EGF: variants seen among roughly 807,000 people sequenced by gnomAD.
EGF encodes epidermal growth factor.
A neutral mutation model predicts 143.8 loss-of-function variants in EGF; 95 were observed. The observed-to-expected ratio is 0.66, with a 90% confidence interval of 0.56 to 0.78. The LOEUF (loss-of-function observed/expected upper bound fraction) is 0.78. EGF is among the 30% of genes least tolerant of loss of function. The probability of loss-of-function intolerance (pLI) is 0.00; values close to 1 mark genes in which losing one functional copy is unlikely to be tolerated. For missense variants in EGF, 1,320 were observed against 1,470.9 expected (o/e 0.90, Z 1.68); for synonymous variants, 510 against 510.5 (o/e 1.00, Z 0.01).
intron 22 of EGF, among the ~76,000 whole-genome samples, chr4:110,007,881 C>T (rs955728631): frequency 2.0e-5 from 3 of 152,132 alleles, no homozygotes; most frequent in Admixed American, 6.5e-5. Flanking sequence ...TCCAGGGATC[C>T]GTGACCTAAA....
chr4:109,988,627 C>G lies in EGF; in HGVS notation c.2652C>G (p.Ala884=), dbSNP rs749892141. The change falls in exon 18 of 24, where the codon GCC becomes GCG. Residue 884 remains alanine, a synonymous_variant. Transcript: ENST00000265171. ...CEMGVPVCPP[A]SSKCINTEGG... Reference sequence around the variant, plus strand: ...TGGGTGTCCCAGTGTGCCCCCCTGCCTCCTCCAAGTGCATCAACACCGAAG... The same window carrying G: ...TGGGTGTCCCAGTGTGCCCCCCTGCGTCCTCCAAGTGCATCAACACCGAAG... The G allele has an allele frequency of 6.2e-7, 1 of 1,614,092 alleles. No individual in the cohort carries two copies. Among genetic ancestry groups the G allele is most frequent in the South Asian group, 1.1e-5 (1 of 91,086 alleles).
chr4:109,925,022 AT>A (rs1579459836), intron 1 of EGF, among the ~76,000 whole-genome samples: 1 of 152,156 alleles, frequency 6.6e-6, no homozygotes, highest in East Asian at 1.9e-4. Flanking sequence ...ATTTTTTATA[AT>A]TTTTACAGTT....
intron 1 of EGF, among the ~76,000 whole-genome samples, chr4:109,929,829 G>A (rs1739366493): frequency 6.6e-6 from 1 of 152,130 alleles, no homozygotes; most frequent in Non-Finnish European, 1.5e-5. Flanking sequence ...TGACATAGAT[G>A]AATAAACTGA....
At chr4:109,961,838 C>A (rs988500284) in intron 7 of EGF, 25 bp from the exon 8 acceptor site, 2 of 1,612,910 alleles carry the variant, frequency 1.2e-6, no homozygotes, top group South Asian at 2.2e-5. Context: ...TAACACTAAT[C>A]TTGACCTTGT....
rs1012625280 is a variant in EGF at position 109,923,080 on chromosome 4, CAT to C, written c.127+9619_127+9620del. Among the ~76,000 whole-genome samples, 56 of 151,652 alleles carry C rather than the reference CAT, an allele frequency of 3.7e-4. 3 individuals carry two copies. The highest frequency in any genetic ancestry group is 1.1e-3 in the African/African-American group (47 of 40,986). On this transcript the variant is annotated intron_variant, in intron 1 of 23. Transcript: ENST00000265171. ...AAAATTATCCTTTTTATTATCCTAA[CAT>C]GTGACAAAACTCCCCATTAATTATT...
At chr4:109,976,754 A>G (rs1352527198) in intron 13 of EGF, among the ~76,000 whole-genome samples, 2 of 152,216 alleles carry the variant, frequency 1.3e-5, no homozygotes, top group African/African-American at 4.8e-5. Context: ...GCAGTGGGAA[A>G]TTTATTTTGA....
chr4:109,915,849 G>A (rs556164925), intron 1 of EGF, among the ~76,000 whole-genome samples: 20 of 152,202 alleles, frequency 1.3e-4, no homozygotes, highest in Admixed American at 2.0e-4. Context: ...ACTGCTAGCC[G>A]GATAAACCAA....
intron 14 of EGF, 103 bp from the exon 15 acceptor site, chr4:109,980,723 T>G (rs1320606790): frequency 1.5e-6 from 2 of 1,297,246 alleles, no homozygotes; most frequent in African/African-American, 2.9e-5. Context: ...TGCATTTCTC[T>G]CCCTAAAAGC....
chr4:109,968,673 C>CATCTATCTATCTCTCTATCT (rs1747005428), intron 10 of EGF: 1 of 343,768 alleles, frequency 2.9e-6, no homozygotes, highest in Non-Finnish European at 5.5e-6. Context: ...TATCTATATA[C>CATCTATCTATCTCTCTATCT]ATCTATCTAT....
At chr4:109,932,679 G>C (rs929067754) in intron 1 of EGF, among the ~76,000 whole-genome samples, 32 of 151,860 alleles carry the variant, frequency 2.1e-4, no homozygotes, top group African/African-American at 7.2e-4. Context: ...ACCGCGCCTG[G>C]CCCAATATTT....
chr4:109,948,711 C>G (rs1249134073), intron 5 of EGF, among the ~76,000 whole-genome samples: 1 of 152,148 alleles, frequency 6.6e-6, no homozygotes, highest in Non-Finnish European at 1.5e-5. Context: ...GTCTCAAACT[C>G]CTGAGCTCAA....
chr4:109,915,070 G>C (rs958652790), intron 1 of EGF, among the ~76,000 whole-genome samples: 1 of 152,222 alleles, frequency 6.6e-6, no homozygotes, highest in Non-Finnish European at 1.5e-5. Flanking sequence ...TGGCAAGCAA[G>C]TCTATGCCTT....
chr4:109,942,147 T>G (rs1183674217), intron 2 of EGF, among the ~76,000 whole-genome samples: 1 of 152,252 alleles, frequency 6.6e-6, no homozygotes, highest in Non-Finnish European at 1.5e-5. Flanking sequence ...TTCAAACTCT[T>G]GAGTCTAAGA....
At chr4:109,968,684 C>CTATCTATT in intron 10 of EGF, 1 of 397,312 alleles carries the variant, frequency 2.5e-6, no homozygotes, top group Admixed American at 3.7e-5. Context: ...ATCTATCTAT[C>CTATCTATT]TATCTATCTA....
At chr4:109,992,002 A>G (rs999093216) in intron 18 of EGF, among the ~76,000 whole-genome samples, 1 of 151,668 alleles carries the variant, frequency 6.6e-6, no homozygotes, top group Non-Finnish European at 1.5e-5. Flanking sequence ...AAAAAAAATT[A>G]AAAACAAACA....
chr4:109,953,787 T>G (rs994990349), intron 5 of EGF, among the ~76,000 whole-genome samples: 1 of 152,204 alleles, frequency 6.6e-6, no homozygotes, highest in Non-Finnish European at 1.5e-5. Context: ...CTGGGATTAG[T>G]AAGAAAGAAC....
chr4:109,976,314 C>A (rs909481444), intron 13 of EGF, 79 bp downstream of exon 13: 2 of 1,197,978 alleles, frequency 1.7e-6, no homozygotes, highest in Non-Finnish European at 2.4e-6. Context: ...TTTACACACA[C>A]ACACATACCA....
At chr4:109,994,054 T>C (rs928693362) in intron 19 of EGF, among the ~76,000 whole-genome samples, 6 of 151,956 alleles carry the variant, frequency 3.9e-5, no homozygotes, top group African/African-American at 1.5e-4. Flanking sequence ...TAGCATATTA[T>C]TTTTCTCAAA....
chr4:110,001,214 G>T (rs550881382), intron 21 of EGF, among the ~76,000 whole-genome samples: 1 of 152,184 alleles, frequency 6.6e-6, no homozygotes, highest in African/African-American at 2.4e-5. Context: ...TATCTCAAGG[G>T]TTATTGTGAG....
Sources: allele counts gnomAD v4.1 joint callset (sites outside exome capture counted in the v4.1 genomes callset), GRCh38; gene constraint gnomAD v4.1.1; transcripts MANE v1.5; gene names NCBI Gene and HGNC (gene_info 2026-07-23, HGNC 2026-07-21).